CAPS2: variants seen among roughly 807,000 people sequenced by gnomAD.
CAPS2 encodes the protein calcyphosine 2.
Under a neutral mutation model 86.5 loss-of-function variants are expected in CAPS2, and 98 were observed. The observed-to-expected ratio is 1.13, with a 90% CI of 0.96 to 1.34. CAPS2 has a LOEUF of 1.34. CAPS2 is among the 40% of genes most tolerant of loss of function. The pLI is 0.00. For synonymous variants in CAPS2, 210 were observed against 225.1 expected (o/e 0.93, Z 0.60); for missense variants, 729 against 686.8 (o/e 1.06, Z -0.69).
chr12:75,343,896 T>G (rs751785233), intron 1 of CAPS2: 2 of 1,611,878 alleles, frequency 1.2e-6, no homozygotes, highest in Non-Finnish European at 1.7e-6. Context: ...TTTATGATTT[T>G]GATAGTCTAT....
At chr12:75,325,069 C>T (rs1368169109) in intron 2 of CAPS2, among the ~76,000 whole-genome samples, 170 bp downstream of exon 3, 1 of 152,034 alleles carries the variant, frequency 6.6e-6, no homozygotes, top group African/African-American at 2.4e-5. Context: ...CTTATCACAA[C>T]AGCTATTTTA....
chr12:75,335,591 C>G (rs183742565), intron 1 of CAPS2, among the ~76,000 whole-genome samples: 1 of 152,136 alleles, frequency 6.6e-6, no homozygotes, highest in Non-Finnish European at 1.5e-5. Context: ...TAACTCATAT[C>G]TATTCCAGCT....
chr12:75,325,387 T>C, intron 1 of CAPS2, 99 bp from the exon 3 acceptor site: 1 of 937,570 alleles, frequency 1.1e-6, no homozygotes, highest in Non-Finnish European at 1.5e-6. Flanking sequence ...AAGCTAATTA[T>C]AATTTTTCTC....
chr12:75,306,056 CGTCTAGAACGT>C lies in CAPS2; in HGVS notation c.660-1191_660-1181del, dbSNP rs1241752348. 4.6e-5 allele frequency: 67 copies of C among 1,465,438 alleles called. No homozygotes were observed. In the East Asian group the frequency reaches 1.5e-3, roughly 33 times the overall value. 90.8% of individuals were successfully genotyped at this position (1,465,438 alleles called of 1,614,324 possible). A position where few individuals can be genotyped will look rare whatever the true frequency, so the allele number is the denominator to read the frequency against. ...AGGGCCGCGGCGCCAGAGACAGCGC[CGTCTAGAACGT>C]GCTGCGCGTCCTGGGGCTGCGGCCC... On this transcript the variant is annotated intron_variant, in intron 7 of 16. Coordinates refer to ENST00000393284, the Ensembl canonical transcript of CAPS2.
intron 2 of CAPS2, among the ~76,000 whole-genome samples, chr12:75,324,369 C>CG (rs2040577166): frequency 6.6e-6 from 1 of 152,156 alleles, no homozygotes; most frequent in Admixed American, 6.5e-5. Flanking sequence ...GATTGCTACA[C>CG]ATCCTTTATA....
chr12:75,361,745 T>C (rs2043609636), intron 1 of CAPS2, among the ~76,000 whole-genome samples: 1 of 152,092 alleles, frequency 6.6e-6, no homozygotes, highest in African/African-American at 2.4e-5. Flanking sequence ...TAGAACTCAC[T>C]CACTATCATA....
At chr12:75,390,815 T>C in intron 1 of CAPS2, 1 of 587,234 alleles carries the variant, frequency 1.7e-6, no homozygotes, top group Non-Finnish European at 3.3e-6. Flanking sequence ...ACTACATTAG[T>C]TTAGTGAAAA....
chr12:75,362,178 A>G (rs1195878222), intron 1 of CAPS2, among the ~76,000 whole-genome samples: 1 of 152,176 alleles, frequency 6.6e-6, no homozygotes, highest in Admixed American at 6.6e-5. Flanking sequence ...TCACAACTCA[A>G]TATAAAGAAA....
rs370723229 is a variant in CAPS2, at chr12:75,383,569, C to T, written c.-395+7269G>A. On this transcript the variant is annotated intron_variant, in intron 1 of 5. Coordinates refer to the CAPS2 transcript ENST00000551829. The stretch of plus-strand genomic sequence containing the variant: ...TGATAGAATGACAAGAAGAAATAGA[C>T]GAATCTACTATTATAGTTGGAGACT... Among the ~76,000 whole-genome samples the T allele has an allele frequency of 5.6e-4, 85 of 152,120 alleles. No individual in the cohort carries two copies. The East Asian group carries it at 7.3e-3, about 13-fold the overall frequency.
chr12:75,309,865 G>A (rs2038954790), intron 7 of CAPS2, among the ~76,000 whole-genome samples: 1 of 152,174 alleles, frequency 6.6e-6, no homozygotes, highest in African/African-American at 2.4e-5. Flanking sequence ...TCAGTTCTGT[G>A]TTAAATATAC....
intron 7 of CAPS2, 182 bp from the exon 8 acceptor site, chr12:75,305,058 T>C: frequency 2.2e-6 from 1 of 448,692 alleles, no homozygotes. Flanking sequence ...TATTCCTATC[T>C]CTTTTTCCAG....
Position 75,323,229 on chromosome 12 carries a change from G to A in CAPS2, c.132-7C>T, listed in dbSNP as rs924379414. 5.2e-6 allele frequency: 8 copies of A among 1,541,730 alleles called. No homozygotes were observed. In the East Asian group the frequency reaches 2.0e-4, roughly 38 times the overall value. ...CAAATCAAGTCGTGGGACCCTGAAA[G>A]ACATAATCTATGTATCCCGTAACTT... On this transcript the variant is annotated splice_region_variant and splice_polypyrimidine_tract_variant and intron_variant, in intron 2 of 16. Transcript: ENST00000393284.
chr12:75,278,969 T>C (rs1467274268), exon 17 of CAPS2: 1 of 1,611,386 alleles, frequency 6.2e-7, no homozygotes, highest in Non-Finnish European at 8.5e-7. Context: ...TTCATAGTAA[T>C]CTTCAAATTC....
intron 1 of CAPS2, among the ~76,000 whole-genome samples, chr12:75,383,129 A>G (rs970402372): frequency 3.9e-5 from 6 of 152,352 alleles, no homozygotes; most frequent in Admixed American, 2.6e-4. Context: ...CATGTATTAC[A>G]TGCCTCTTTA....
rs577217850 is a variant in CAPS2, at chr12:75,369,847, A to C, written c.-395+20991T>G. On this transcript the variant is annotated intron_variant, in intron 1 of 5. Coordinates refer to the CAPS2 transcript ENST00000551829. ...GGAAAGTTTCATTTTCTTGTTAAAA[A>C]GTCAAACTAATTTTTGTTAGTTGAT... 173 of 1,334,370 alleles carry C rather than the reference A, an allele frequency of 1.3e-4. No homozygotes were observed. The African/African-American group carries it at 2.1e-3, about 17-fold the overall frequency. The allele number at this position is 1,334,370 out of a possible 1,614,324, so 82.7% of individuals were successfully genotyped here. A position where few individuals can be genotyped will look rare whatever the true frequency, so the allele number is the denominator to read the frequency against.
At chr12:75,280,334 T>C (rs1424454349) in intron 16 of CAPS2, among the ~76,000 whole-genome samples, 1 of 151,828 alleles carries the variant, frequency 6.6e-6, no homozygotes, top group Non-Finnish European at 1.5e-5. Context: ...AATGGGGTAC[T>C]TTTTTTCTTC....
At chr12:75,363,097 T>A (rs751520198) in intron 1 of CAPS2, 1 of 1,513,454 alleles carries the variant, frequency 6.6e-7, no homozygotes, top group South Asian at 1.3e-5. Flanking sequence ...TTCTCTTTTT[T>A]ACAGAGGAAA....
chr12:75,319,871 T>C (rs1052544509), intron 5 of CAPS2, among the ~76,000 whole-genome samples: 3 of 152,182 alleles, frequency 2.0e-5, no homozygotes, highest in African/African-American at 7.2e-5. Context: ...CATGTAATTG[T>C]AACAGAATTT....
At chr12:75,342,123 T>A (rs541598848) in intron 1 of CAPS2, among the ~76,000 whole-genome samples, 2 of 152,078 alleles carry the variant, frequency 1.3e-5, no homozygotes, top group Non-Finnish European at 2.9e-5. Flanking sequence ...TTAAAGATAG[T>A]GTGGGTAGTG....
Sources: allele counts gnomAD v4.1 joint callset (sites outside exome capture counted in the v4.1 genomes callset), GRCh38; gene constraint gnomAD v4.1.1; transcripts MANE v1.5; gene names NCBI Gene and HGNC (gene_info 2026-07-23, HGNC 2026-07-21).